The following GPD2 variants were observed in gnomAD, a reference collection of about 807,000 sequenced individuals.
GPD2 encodes glycerol-3-phosphate dehydrogenase 2.
Under a neutral mutation model 82.4 loss-of-function variants are expected in GPD2, and 54 were observed. The ratio of observed to expected loss-of-function variants is 0.66; its 90% CI spans 0.53 to 0.82. GPD2 has a LOEUF of 0.82. Ranked by LOEUF, GPD2 falls within the 40% of genes least tolerant of loss-of-function variation. The pLI is 0.00. For synonymous variants in GPD2, 288 were observed against 306.1 expected, an observed-to-expected ratio of 0.94 and a Z score of 0.62; for missense variants, 748 against 896.2, an observed-to-expected ratio of 0.83 and a Z score of 2.11.
In GPD2 at chr2:156,513,465, C is replaced by T. The variant is rs754600034; in HGVS notation, c.630C>T (p.Asp210=). Residue 210 remains aspartate, a synonymous_variant, in exon 6 of 17, where the codon GAC becomes GAT. Coordinates refer to ENST00000438166, the MANE Select transcript of GPD2 (RefSeq NM_000408.5). The part of the protein sequence containing the change: ...ALEHFPMLQK[D]KLVGAIVYYD... ...AACATTTCCCAATGCTCCAGAAGGA[C>T]AAACTGGTAGGAGCAATTGTCTACT... is the stretch of plus-strand genomic sequence containing the variant. 1.2e-6 allele frequency: 2 copies of T among 1,609,742 alleles called. No homozygotes were observed. The highest frequency in any genetic ancestry group is 1.7e-6 in the Non-Finnish European group (2 of 1,177,418).
At chr2:156,414,510 G>A in the GPD2 span, among the ~76,000 whole-genome samples, 1 of 152,114 alleles carries the variant, frequency 6.6e-6, no homozygotes, top group South Asian at 2.1e-4. Context: ...ATGTGTTTTT[G>A]TACTAAGAAA....
chr2:156,415,726 A>C, the GPD2 span, among the ~76,000 whole-genome samples: 2 of 152,098 alleles, frequency 1.3e-5, no homozygotes, highest in Admixed American at 6.6e-5. Context: ...GTGGTGGCAC[A>C]TGCTTATAAT....
chr2:156,541,854 G>A (rs1686336338), intron 6 of GPD2, among the ~76,000 whole-genome samples: 3 of 103,662 alleles, frequency 2.9e-5, no homozygotes, highest in Non-Finnish European at 5.4e-5. Flanking sequence ...TTTGGCTGTG[G>A]TCGAGAGAGA....
rs111469618 is a variant in GPD2, at chr2:156,565,491, G to A, written c.1166-3334G>A. 2.9e-3 allele frequency among the ~76,000 whole-genome samples: 437 copies of A among 152,204 alleles called. 1 individual carries two copies. Among genetic ancestry groups the A allele is most frequent in the African/African-American group, 9.8e-3 (406 of 41,544 alleles). On this transcript the variant is annotated intron_variant, in intron 9 of 16. Transcript: ENST00000438166. Reference sequence around the variant, plus strand: ...TAAGAGAATGCACACATCAGAGGGGGCAGAGCTAGAGATGGAATCCCAGCA... The same window carrying A: ...TAAGAGAATGCACACATCAGAGGGGACAGAGCTAGAGATGGAATCCCAGCA...
At chr2:156,489,955 T>A (rs1270006040) in intron 2 of GPD2, among the ~76,000 whole-genome samples, 1 of 123,314 alleles carries the variant, frequency 8.1e-6, no homozygotes, top group Non-Finnish European at 1.7e-5. Context: ...CACTACCCCC[T>A]CTCCCTGACG....
chr2:156,487,549 G>T (rs991295086), intron 2 of GPD2, among the ~76,000 whole-genome samples: 3 of 152,192 alleles, frequency 2.0e-5, no homozygotes, highest in Non-Finnish European at 2.9e-5. Context: ...TCAAACCTGG[G>T]ATCAAATTTT....
rs193172129 is a variant in GPD2, at chr2:156,495,544, T to C, written c.103-500T>C. 412 of 436,004 alleles carry C rather than the reference T, an allele frequency of 9.4e-4. 1 individual carries two copies. Among genetic ancestry groups the C allele is most frequent in the Non-Finnish European group, 1.5e-3 (328 of 212,064 alleles). The allele number at this position is 436,004 out of a possible 1,614,324, so 27.0% of individuals were successfully genotyped here. A position where few individuals can be genotyped will look rare whatever the true frequency, so the allele number is the denominator to read the frequency against. ...TTTTAATTGTACTGACTTTAACTTATGTACCCCCAAACTCTAGAATATAGT... is the reference window on the plus strand; with the variant it reads ...TTTTAATTGTACTGACTTTAACTTACGTACCCCCAAACTCTAGAATATAGT... On this transcript the variant is annotated intron_variant, in intron 2 of 16. Coordinates refer to ENST00000438166, the MANE Select transcript of GPD2 (RefSeq NM_000408.5).
At chr2:156,486,531 A>C (rs906902275) in intron 2 of GPD2, among the ~76,000 whole-genome samples, 18 of 152,224 alleles carry the variant, frequency 1.2e-4, no homozygotes. Context: ...TTGTAGACGG[A>C]GGAAACTTTC....
chr2:156,497,496 A>T (rs1413605031), intron 3 of GPD2, among the ~76,000 whole-genome samples: 1 of 152,196 alleles, frequency 6.6e-6, no homozygotes, highest in South Asian at 2.1e-4. Flanking sequence ...TTCAATATTT[A>T]TTATATTTTA....
chr2:156,523,803 C>T (rs1016069524), intron 6 of GPD2, among the ~76,000 whole-genome samples: 2 of 152,130 alleles, frequency 1.3e-5, no homozygotes, highest in African/African-American at 2.4e-5. Context: ...CTTGGCCTCC[C>T]GAAGTGCTGG....
At chr2:156,531,847 G>T (rs967458809) in intron 6 of GPD2, among the ~76,000 whole-genome samples, 1 of 152,210 alleles carries the variant, frequency 6.6e-6, no homozygotes, top group African/African-American at 2.4e-5. Context: ...ACAGGTTCCA[G>T]CAATGCCTGG....
chr2:156,420,729 A>T, the GPD2 span, among the ~76,000 whole-genome samples: 36 of 152,336 alleles, frequency 2.4e-4, no homozygotes, highest in East Asian at 2.1e-3. Flanking sequence ...ATAGAAATTG[A>T]TATATAAGAA....
intron 6 of GPD2, among the ~76,000 whole-genome samples, chr2:156,548,499 C>A (rs917550859): frequency 6.6e-6 from 1 of 152,108 alleles, no homozygotes; most frequent in Non-Finnish European, 1.5e-5. Flanking sequence ...TAGAATAAGA[C>A]GTTTGTGGGG....
intron 6 of GPD2, among the ~76,000 whole-genome samples, chr2:156,520,207 G>T (rs75444299): frequency 0.016 from 2,388 of 152,304 alleles, 41 homozygotes; most frequent in Non-Finnish European, 0.02. Flanking sequence ...TGGGGGTGTT[G>T]TGGGTCAGGG....
chr2:156,547,282 G>C (rs968142317), intron 6 of GPD2, among the ~76,000 whole-genome samples: 4 of 152,188 alleles, frequency 2.6e-5, no homozygotes, highest in African/African-American at 9.6e-5. Context: ...TGCCCTGGAA[G>C]GATGCAGATA....
the GPD2 span, among the ~76,000 whole-genome samples, chr2:156,412,998 G>A: frequency 6.6e-6 from 1 of 152,116 alleles, no homozygotes; most frequent in African/African-American, 2.4e-5. Flanking sequence ...TTGGGAGGCT[G>A]AGGCAGGAGG....
intron 6 of GPD2, among the ~76,000 whole-genome samples, chr2:156,528,800 G>A (rs1685713787): frequency 6.6e-6 from 1 of 152,020 alleles, no homozygotes; most frequent in African/African-American, 2.4e-5. Flanking sequence ...AGTACTCCAT[G>A]GTGTATATGT....
Position 156,578,952 on chromosome 2 carries a change from C to T in GPD2, c.1831C>T (p.Gln611Ter), listed in dbSNP as rs1687924062. ...AATGGGCTATAAATCTCGATCAGAA[C>T]AGTTAACAGATCGCTCTGAAATTAG... ...YEMGYKSRSE[Q>*]LTDRSEISLL... The change falls in exon 14 of 17, where the codon CAG (glutamine) becomes TAG (stop). Residue 611 changes from glutamine to a stop codon, truncating the protein, a stop_gained. Transcript: ENST00000438166. LOFTEE classifies it high-confidence loss of function. 1.2e-6 allele frequency: 2 copies of T among 1,611,668 alleles called. No homozygotes were observed. Among genetic ancestry groups the T allele is most frequent in the Non-Finnish European group, 8.5e-7 (1 of 1,178,076 alleles).
the GPD2 span, among the ~76,000 whole-genome samples, chr2:156,418,440 A>G: frequency 6.6e-6 from 1 of 151,972 alleles, no homozygotes; most frequent in Non-Finnish European, 1.5e-5. Flanking sequence ...ATTAATAATA[A>G]AAAAAAGGAC....
Sources: allele counts gnomAD v4.1 joint callset (sites outside exome capture counted in the v4.1 genomes callset), GRCh38; gene constraint gnomAD v4.1.1; transcripts MANE v1.5; gene names NCBI Gene and HGNC (gene_info 2026-07-23, HGNC 2026-07-21).